DNAH11: variants seen among roughly 807,000 people sequenced by gnomAD.
DNAH11 encodes the protein axonemal beta dynein heavy chain 11.
DNAH11 carries 442 observed loss-of-function variants against 526.0 expected under a neutral mutation model. That is an observed-to-expected ratio of 0.84 (90% CI 0.78 to 0.91). The LOEUF (loss-of-function observed/expected upper bound fraction) is 0.91. Among genes scored for constraint, DNAH11 ranks in the 40% least tolerant of loss-of-function variants. The pLI is 0.00. For missense variants in DNAH11, 6,989 were observed against 5,448.7 expected, an observed-to-expected ratio of 1.28 and a Z score of -8.90; for synonymous variants, 2,461 against 1,935.9, an observed-to-expected ratio of 1.27 and a Z score of -7.12.
At chr7:21,598,326 T>C (rs1239546083) in intron 14 of DNAH11, among the ~76,000 whole-genome samples, 2 of 152,180 alleles carry the variant, frequency 1.3e-5, no homozygotes, top group Non-Finnish European at 2.9e-5. Flanking sequence ...TCAACTTTGC[T>C]GCCCACCTGA....
Position 21,901,198 on chromosome 7 carries a change from GAA to G in DNAH11, c.13496_13497del (p.Glu4499GlyfsTer20). 6.2e-7 allele frequency: 1 copy of G among 1,613,662 alleles called. No homozygotes were observed. The highest frequency in any genetic ancestry group is 1.1e-5 in the South Asian group (1 of 90,994). On this transcript the variant is annotated frameshift_variant, in exon 82 of 82. Transcript: ENST00000409508. LOFTEE classifies it high-confidence loss of function. ...CATCTGGACCTTCAGGCTGAAGAGCGAAGAGAAGACTGCAAAATGGGTTCTGG... is the reference window on the plus strand; with the variant it reads ...CATCTGGACCTTCAGGCTGAAGAGCGGAGAAGACTGCAAAATGGGTTCTGG... ...SYIWTFRLKS[E>X]EKTAKWVLAG...
intron 63 of DNAH11, among the ~76,000 whole-genome samples, chr7:21,810,911 TC>T (rs1043678282): frequency 1.3e-5 from 2 of 152,106 alleles, no homozygotes; most frequent in African/African-American, 4.8e-5. Flanking sequence ...TGCCACATGA[TC>T]CAGAAATTCT....
At chr7:21,620,604 C>T (rs937832805) in intron 25 of DNAH11, among the ~76,000 whole-genome samples, 12 of 151,676 alleles carry the variant, frequency 7.9e-5, no homozygotes, top group Non-Finnish European at 1.3e-4. Flanking sequence ...AGGGTACACG[C>T]GCACAATGTG....
chr7:21,610,095 A>G (rs1785455424), intron 20 of DNAH11, among the ~76,000 whole-genome samples: 1 of 152,180 alleles, frequency 6.6e-6, no homozygotes, highest in Non-Finnish European at 1.5e-5. Flanking sequence ...TCTACTAAAA[A>G]TACAAAAAAT....
At chr7:21,795,261 T>TCCTAGTA (rs1237845656) in intron 61 of DNAH11, among the ~76,000 whole-genome samples, 3 of 152,236 alleles carry the variant, frequency 2.0e-5, no homozygotes, top group African/African-American at 4.8e-5. Flanking sequence ...GGTGTGCGGA[T>TCCTAGTA]CCTAGTACCT....
At chr7:21,864,493 A>C (rs868174504) in intron 69 of DNAH11, 42 bp from the exon 70 acceptor site, 2 of 1,593,974 alleles carry the variant, frequency 1.3e-6, no homozygotes, top group African/African-American at 1.3e-5. Context: ...GACGATTTTC[A>C]TGTAAACCTA....
intron 68 of DNAH11, 73 bp from the exon 69 acceptor site, chr7:21,861,780 C>T (rs1783071911): frequency 6.4e-6 from 10 of 1,569,496 alleles, no homozygotes; most frequent in Non-Finnish European, 8.7e-7. Context: ...TAAACTGTTG[C>T]CCTGTGTATC....
chr7:21,830,616 G>A (rs1215340025), intron 65 of DNAH11, among the ~76,000 whole-genome samples: 1 of 151,996 alleles, frequency 6.6e-6, no homozygotes, highest in Non-Finnish European at 1.5e-5. Flanking sequence ...AGAGACCCAG[G>A]TTCTAGTCCC....
intron 66 of DNAH11, among the ~76,000 whole-genome samples, chr7:21,844,544 A>G (rs1782341122): frequency 2.0e-5 from 3 of 152,224 alleles, no homozygotes; most frequent in Admixed American, 1.3e-4. Context: ...ATGGCCTACA[A>G]AGCCAAAAGT....
chr7:21,731,059 G>A (rs1785362409), intron 45 of DNAH11, among the ~76,000 whole-genome samples: 1 of 152,026 alleles, frequency 6.6e-6, no homozygotes, highest in South Asian at 2.1e-4. Context: ...CAGGAGAATT[G>A]CTTGAACCTG....
intron 37 of DNAH11, 142 bp downstream of exon 37, chr7:21,702,944 A>T (rs1231015197): frequency 4.2e-6 from 3 of 712,708 alleles, no homozygotes; most frequent in Non-Finnish European, 6.9e-6. Flanking sequence ...AAATTTGAGG[A>T]TTGGCGTTCC....
At chr7:21,704,924 G>C (rs1784208554) in intron 38 of DNAH11, among the ~76,000 whole-genome samples, 2 of 152,196 alleles carry the variant, frequency 1.3e-5, no homozygotes, top group Middle Eastern at 3.4e-3. Flanking sequence ...AATTTACTTT[G>C]TTCTTTCCTC....
chr7:21,828,402 T>C (rs1349411734), intron 65 of DNAH11, among the ~76,000 whole-genome samples: 2 of 152,258 alleles, frequency 1.3e-5, no homozygotes, highest in Non-Finnish European at 1.5e-5. Flanking sequence ...CAAAATAAAA[T>C]TTAATTGCCA....
intron 32 of DNAH11, among the ~76,000 whole-genome samples, chr7:21,684,622 A>C (rs959590206): frequency 6.6e-6 from 1 of 152,242 alleles, no homozygotes; most frequent in African/African-American, 2.4e-5. Flanking sequence ...TGGGGCAGAA[A>C]GTTACAGGCA....
intron 45 of DNAH11, among the ~76,000 whole-genome samples, chr7:21,732,319 T>C: frequency 6.6e-6 from 1 of 152,188 alleles, no homozygotes; most frequent in East Asian, 1.9e-4. Flanking sequence ...GTTCAAATTT[T>C]CTTATAAGGA....
intron 18 of DNAH11, among the ~76,000 whole-genome samples, chr7:21,604,287 T>C (rs1785200914): frequency 6.6e-6 from 1 of 152,164 alleles, no homozygotes; most frequent in Non-Finnish European, 1.5e-5. Flanking sequence ...CTCTTTTCAC[T>C]GCTGTTAACA....
At chr7:21,648,721 A>G (rs887441100) in intron 28 of DNAH11, among the ~76,000 whole-genome samples, 5 of 152,224 alleles carry the variant, frequency 3.3e-5, no homozygotes, top group African/African-American at 1.2e-4. Flanking sequence ...ATGTATTTAC[A>G]TATTTATATA....
intron 52 of DNAH11, 63 bp downstream of exon 52, chr7:21,748,805 T>C (rs1786275723): frequency 3.3e-6 from 5 of 1,525,116 alleles, no homozygotes. Flanking sequence ...CCGAGGCTCC[T>C]AGTGCGCCCG....
At chr7:21,584,442 A>C (rs1362337265) in intron 9 of DNAH11, among the ~76,000 whole-genome samples, 1 of 152,088 alleles carries the variant, frequency 6.6e-6, no homozygotes, top group African/African-American at 2.4e-5. Context: ...GTGGGGGGCT[A>C]GGGGAGAGGT....
Sources: allele counts gnomAD v4.1 joint callset (sites outside exome capture counted in the v4.1 genomes callset), GRCh38; gene constraint gnomAD v4.1.1; transcripts MANE v1.5; gene names NCBI Gene and HGNC (gene_info 2026-07-23, HGNC 2026-07-21).